The following ARK2C variants were observed in gnomAD, a reference collection of about 807,000 sequenced individuals.
ARK2C encodes arkadia (RNF111) C-terminal like ring finger ubiquitin ligase 2C.
At chr18:46,423,002 C>G in the ARK2C span, among the ~76,000 whole-genome samples, 9 of 152,196 alleles carry the variant, frequency 5.9e-5, no homozygotes, top group African/African-American at 2.2e-4. Flanking sequence ...TCAGATTACT[C>G]AAGTCCCTTC....
the ARK2C span, among the ~76,000 whole-genome samples, chr18:46,341,220 G>A: frequency 1.3e-5 from 2 of 151,846 alleles, no homozygotes; most frequent in Admixed American, 6.6e-5. Flanking sequence ...GTTTGGACTG[G>A]CTTCTTTGGC....
At chr18:46,384,068 C>T in the ARK2C span, among the ~76,000 whole-genome samples, 2 of 152,202 alleles carry the variant, frequency 1.3e-5, no homozygotes, top group East Asian at 1.9e-4. Context: ...CAGAGGCAGT[C>T]GGGGTGAAAC....
At chr18:46,452,837 G>T in the ARK2C span, among the ~76,000 whole-genome samples, 1 of 152,050 alleles carries the variant, frequency 6.6e-6, no homozygotes, top group East Asian at 1.9e-4. Flanking sequence ...TTGACTCTCG[G>T]TTCTACCCCT....
the ARK2C span, among the ~76,000 whole-genome samples, chr18:46,442,366 T>G: frequency 6.6e-6 from 1 of 152,204 alleles, no homozygotes; most frequent in African/African-American, 2.4e-5. Context: ...AATTTTTCTT[T>G]AAGGACTACA....
the ARK2C span, among the ~76,000 whole-genome samples, chr18:46,388,017 G>A: frequency 4.5e-4 from 69 of 152,328 alleles, 2 homozygotes; most frequent in Non-Finnish European, 3.8e-4. Flanking sequence ...TGGCACTTGC[G>A]TTCCAAGCAG....
At chr18:46,419,918 C>G in the ARK2C span, among the ~76,000 whole-genome samples, 1 of 152,158 alleles carries the variant, frequency 6.6e-6, no homozygotes, top group African/African-American at 2.4e-5. Flanking sequence ...CTTCCTTTCT[C>G]ATGTATTTCC....
At chr18:46,436,822 G>A in the ARK2C span, among the ~76,000 whole-genome samples, 2 of 152,322 alleles carry the variant, frequency 1.3e-5, no homozygotes, top group African/African-American at 4.8e-5. Context: ...TTGCAATTTG[G>A]ATTGAATTCT....
At chr18:46,392,117 C>T in the ARK2C span, among the ~76,000 whole-genome samples, 2 of 151,940 alleles carry the variant, frequency 1.3e-5, no homozygotes, top group Non-Finnish European at 2.9e-5. Flanking sequence ...CACACTGTGC[C>T]CAGCACACAC....
At chr18:46,450,243 T>C in the ARK2C span, 1 of 1,167,084 alleles carries the variant, frequency 8.6e-7, no homozygotes, top group East Asian at 2.3e-5. Flanking sequence ...CATGCTGGGC[T>C]CATGGAGAAA....
chr18:46,439,361 G>C, the ARK2C span, among the ~76,000 whole-genome samples: 3 of 152,182 alleles, frequency 2.0e-5, no homozygotes, highest in African/African-American at 7.2e-5. Context: ...AGTGATCAGG[G>C]CCTGCTCACA....
chr18:46,338,205 A>G, the ARK2C span, among the ~76,000 whole-genome samples: 3 of 152,242 alleles, frequency 2.0e-5, no homozygotes, highest in African/African-American at 7.2e-5. Context: ...TGTTACATGT[A>G]GCTGAAGCCA....
the ARK2C span, chr18:46,461,463 G>GGTGAAAC: frequency 6.6e-6 from 1 of 152,130 alleles, no homozygotes; most frequent in Non-Finnish European, 1.5e-5. Context: ...TGGCCAACAT[G>GGTGAAAC]GTGAAACCCT....
the ARK2C span, among the ~76,000 whole-genome samples, chr18:46,374,055 G>T: frequency 1.3e-3 from 196 of 152,226 alleles, 3 homozygotes; most frequent in East Asian, 0.035. Context: ...AGCAGGGCCA[G>T]GCTGGGGCAT....
chr18:46,432,096 T>A, the ARK2C span, among the ~76,000 whole-genome samples: 1 of 152,246 alleles, frequency 6.6e-6, no homozygotes, highest in Admixed American at 6.5e-5. Flanking sequence ...GTACTGAATC[T>A]GCCATGTTTA....
At chr18:46,349,234 G>A in the ARK2C span, among the ~76,000 whole-genome samples, 2 of 152,152 alleles carry the variant, frequency 1.3e-5, no homozygotes, top group Non-Finnish European at 2.9e-5. Context: ...AATAACAGAA[G>A]TTTGTTTCCC....
the ARK2C span, chr18:46,456,165 G>T: frequency 1.2e-6 from 1 of 855,426 alleles, no homozygotes; most frequent in Admixed American, 2.0e-5. Context: ...GGGAGTTGGG[G>T]TGCTTGTTTG....
the ARK2C span, chr18:46,458,932 G>C: frequency 4.6e-5 from 7 of 152,342 alleles, no homozygotes; most frequent in African/African-American, 1.7e-4. Context: ...CAGGGCTAAA[G>C]GCTGGAGATC....
the ARK2C span, among the ~76,000 whole-genome samples, chr18:46,358,293 C>A: frequency 3.3e-5 from 5 of 152,090 alleles, no homozygotes; most frequent in Admixed American, 3.3e-4. Context: ...GGGAGGCCTC[C>A]CTGTCTGAGA....
At chr18:46,449,924 C>T in the ARK2C span, among the ~76,000 whole-genome samples, 1 of 152,172 alleles carries the variant, frequency 6.6e-6, no homozygotes. Flanking sequence ...TGGTTCTGTC[C>T]CTTGGTTGCA....
Sources: allele counts gnomAD v4.1 joint callset (sites outside exome capture counted in the v4.1 genomes callset), GRCh38; gene constraint gnomAD v4.1.1; transcripts MANE v1.5; gene names NCBI Gene and HGNC (gene_info 2026-07-23, HGNC 2026-07-21).